PXDN: variants seen among roughly 807,000 people sequenced by gnomAD.
PXDN encodes peroxidasin, also known as peroxidasin homolog.
Under a neutral mutation model 140.3 loss-of-function variants are expected in PXDN, and 77 were observed. The observed-to-expected ratio is 0.55, with a 90% CI of 0.46 to 0.66. PXDN has a LOEUF of 0.66. Among genes scored for constraint, PXDN ranks in the 30% least tolerant of loss-of-function variants. The probability of loss-of-function intolerance (pLI) is 0.00; values close to 1 mark genes in which losing one functional copy is unlikely to be tolerated. For synonymous variants in PXDN, 911 were observed against 857.4 expected (o/e 1.06, Z -1.09); for missense variants, 1,838 against 2,039.5 (o/e 0.90, Z 1.90).
chr2:1,654,529 G>A (rs371064876), intron 14 of PXDN, 21 bp from the exon 15 acceptor site: 63 of 1,528,142 alleles, frequency 4.1e-5, no homozygotes, highest in African/African-American at 1.1e-4. Context: ...ACAAAGTCGC[G>A]TATTACCAGG....
intron 1 of PXDN, among the ~76,000 whole-genome samples, chr2:1,737,211 C>T (rs1046728620): frequency 2.0e-5 from 3 of 152,202 alleles, no homozygotes; most frequent in Non-Finnish European, 4.4e-5. Context: ...GCCCGGAGGA[C>T]GGCTGCCATT....
In PXDN at chr2:1,744,497, A is replaced by G; in HGVS notation, c.-42T>C. On this transcript the variant is annotated 5_prime_UTR_variant, in exon 1 of 23. Coordinates refer to ENST00000252804, the MANE Select transcript of PXDN (RefSeq NM_012293.3). Reference sequence around the variant, plus strand: ...GGACGCTCGGACGCACGGAGCCACCACGGCCGGCTCCCGACTGCGCCCGCC... The same window carrying G: ...GGACGCTCGGACGCACGGAGCCACCGCGGCCGGCTCCCGACTGCGCCCGCC... 7.3e-7 allele frequency: 1 copy of G among 1,364,108 alleles called. No homozygotes were observed. The highest frequency in any genetic ancestry group is 1.8e-5 in the South Asian group (1 of 56,856). 84.5% of individuals were successfully genotyped at this position (1,364,108 alleles called of 1,614,324 possible). A position where few individuals can be genotyped will look rare whatever the true frequency, so the allele number is the denominator to read the frequency against.
intron 12 of PXDN, 27 bp from the exon 13 acceptor site, chr2:1,662,211 G>A (rs1378640749): frequency 2.6e-6 from 4 of 1,545,928 alleles, no homozygotes; most frequent in Non-Finnish European, 3.5e-6. Flanking sequence ...GAGAATCCAG[G>A]AGAACGAGTC....
At chr2:1,680,093 G>T in intron 7 of PXDN, 100 bp downstream of exon 7, 1 of 1,273,946 alleles carries the variant, frequency 7.8e-7, no homozygotes, top group Non-Finnish European at 1.1e-6. Flanking sequence ...ATGTGTGTGT[G>T]TGGTGTGTGG....
chr2:1,708,059 G>A (rs1026484848), intron 1 of PXDN, among the ~76,000 whole-genome samples: 1 of 152,218 alleles, frequency 6.6e-6, no homozygotes, highest in African/African-American at 2.4e-5. Flanking sequence ...CCTGGAAGCT[G>A]CAGGATGAAT....
chr2:1,682,734 G>A (rs1683936662), intron 6 of PXDN, among the ~76,000 whole-genome samples: 5 of 152,248 alleles, frequency 3.3e-5, no homozygotes, highest in African/African-American at 1.2e-4. Flanking sequence ...GAGGTCAGGA[G>A]TTCAAGACCA....
intron 14 of PXDN, among the ~76,000 whole-genome samples, chr2:1,658,524 G>A (rs1391349120): frequency 6.6e-6 from 1 of 151,912 alleles, no homozygotes; most frequent in Non-Finnish European, 1.5e-5. Context: ...GGGCCCGGGT[G>A]CAGGCACTCC....
chr2:1,646,275 T>C (rs1026583313), intron 17 of PXDN: 1 of 152,236 alleles, frequency 6.6e-6, no homozygotes, highest in African/African-American at 2.4e-5. Context: ...CCTTAACTTC[T>C]TTACCAGGGA....
In PXDN at chr2:1,648,086, A is replaced by C; in HGVS notation, c.3608+86T>G. On this transcript the variant is annotated intron_variant, in intron 17 of 22. Coordinates refer to ENST00000252804, the MANE Select transcript of PXDN (RefSeq NM_012293.3). The surrounding 1 kb of genome is among the most constrained non-coding windows in gnomAD (Gnocchi z 8.9). ...TGCACGACACGAACAAAACTCACAC[A>C]CAGAGACAAATAACACACACACCAC... The C allele has an allele frequency of 6.6e-7, 1 of 1,503,900 alleles. No individual in the cohort carries two copies. Among genetic ancestry groups the C allele is most frequent in the Admixed American group, 1.9e-5 (1 of 52,550 alleles). 93.2% of individuals were successfully genotyped at this position (1,503,900 alleles called of 1,614,324 possible). A position where few individuals can be genotyped will look rare whatever the true frequency, so the allele number is the denominator to read the frequency against.
chr2:1,721,079 C>T (rs1367953685), intron 1 of PXDN, among the ~76,000 whole-genome samples: 1 of 152,178 alleles, frequency 6.6e-6, no homozygotes, highest in Non-Finnish European at 1.5e-5. Context: ...TACTCAAAGT[C>T]TCCAGATTTA....
In PXDN at chr2:1,649,214, G is replaced by C. The variant is rs1682948698; in HGVS notation, c.2566C>G (p.Pro856Ala). Residue 856 changes from proline (P) to alanine (A), a missense_variant, in exon 17 of 23, where the codon CCC becomes GCC. Pro to Ala is a conservative substitution (Grantham distance 27). Coordinates refer to ENST00000252804, the MANE Select transcript of PXDN (RefSeq NM_012293.3). This position sits in a 1 kb window ranked among gnomAD's most constrained non-coding sequence, Gnocchi z 7.1. The part of the protein sequence containing the change: ...HCSNVCSNDP[P>A]CFSVMIPPND... The stretch of plus-strand genomic sequence containing the variant: ...GGGGGGATCATGACAGAGAAGCAGG[G>C]GGGGTCGTTGCTGCACACGTTGCTG... 4.4e-6 allele frequency: 7 copies of C among 1,605,912 alleles called. No homozygotes were observed. The highest frequency in any genetic ancestry group is 4.3e-6 in the Non-Finnish European group (5 of 1,175,914).
At chr2:1,710,038 C>T (rs982433021) in intron 1 of PXDN, among the ~76,000 whole-genome samples, 1 of 152,208 alleles carries the variant, frequency 6.6e-6, no homozygotes, top group African/African-American at 2.4e-5. Flanking sequence ...CCACCCAGCC[C>T]ACCAGAGGAG....
chr2:1,733,780 A>G (rs1282049374), intron 1 of PXDN, among the ~76,000 whole-genome samples: 1 of 146,554 alleles, frequency 6.8e-6, no homozygotes, highest in Non-Finnish European at 1.5e-5. Context: ...AGTGTCAGAG[A>G]AAATCACCAA....
At chr2:1,686,969 G>A (rs897500138) in intron 4 of PXDN, among the ~76,000 whole-genome samples, 2 of 151,972 alleles carry the variant, frequency 1.3e-5, no homozygotes, top group Non-Finnish European at 2.9e-5. Flanking sequence ...TCAGTTTGCC[G>A]AGTGAAAGGT....
At chr2:1,659,071 T>C (rs760333352) in intron 14 of PXDN, among the ~76,000 whole-genome samples, 9 of 152,208 alleles carry the variant, frequency 5.9e-5, no homozygotes, top group Non-Finnish European at 7.3e-5. Context: ...ACGAAGGCAT[T>C]TGCTGAACGA....
intron 9 of PXDN, among the ~76,000 whole-genome samples, chr2:1,668,392 G>A (rs1683496029): frequency 6.6e-6 from 1 of 152,144 alleles, no homozygotes; most frequent in African/African-American, 2.4e-5. Flanking sequence ...ACAGGCATGG[G>A]CAAAGACTTT....
At chr2:1,680,013 T>C (rs1683849685) in intron 7 of PXDN, among the ~76,000 whole-genome samples, 180 bp downstream of exon 7, 1 of 149,700 alleles carries the variant, frequency 6.7e-6, no homozygotes, top group Admixed American at 6.7e-5. Context: ...TGTGTGTGGA[T>C]GGTGTATGCG....
chr2:1,720,326 ACAGAGAGAGGGAGGGATG>A (rs1197800593), intron 1 of PXDN, among the ~76,000 whole-genome samples: 20 of 106,728 alleles, frequency 1.9e-4, no homozygotes, highest in African/African-American at 4.3e-4. Context: ...AGAGAGATGC[ACAGAGAGAGGGAGGGATG>A]CAGAGAGAGG....
At chr2:1,680,522 C>G (rs1016040287) in intron 6 of PXDN, among the ~76,000 whole-genome samples, 160 bp from the exon 7 acceptor site, 43 of 152,146 alleles carry the variant, frequency 2.8e-4, no homozygotes, top group African/African-American at 1.0e-3. Context: ...ATCTGAGCCC[C>G]GGTGCCCGAC....
Sources: gnomAD v4.1 joint callset for allele counts (sites outside exome capture counted in the v4.1 genomes callset) on GRCh38, gnomAD v4.1.1 for gene constraint, Gnocchi (gnomAD v3.1) non-coding constraint, MANE v1.5 for transcripts, NCBI Gene and HGNC (gene_info 2026-07-23, HGNC 2026-07-21) for gene names.